PRKAA1: variants seen among roughly 807,000 people sequenced by gnomAD.
The protein encoded by PRKAA1 is 5'-AMP-activated protein kinase catalytic subunit alpha-1.
PRKAA1 carries 23 observed loss-of-function variants against 56.9 expected under a neutral mutation model. That is an observed-to-expected ratio of 0.40 (90% CI 0.29 to 0.57). The LOEUF (loss-of-function observed/expected upper bound fraction) is 0.57, where lower values mean the gene tolerates loss of function less well. Ranked by LOEUF, PRKAA1 falls within the 20% of genes least tolerant of loss-of-function variation. PRKAA1 has a pLI of 0.39. For missense variants in PRKAA1, 413 were observed against 679.7 expected (o/e 0.61, Z 4.36); for synonymous variants, 226 against 227.0 (o/e 1.00, Z 0.04).
intron 1 of PRKAA1, among the ~76,000 whole-genome samples, chr5:40,793,625 AC>A (rs1206284219): frequency 1.3e-5 from 2 of 152,188 alleles, no homozygotes; most frequent in Admixed American, 1.3e-4. Context: ...CATATGGTTA[AC>A]CCTATTATTT....
chr5:40,768,847 T>C lies in PRKAA1; in HGVS notation c.596+569A>G, dbSNP rs192988291. ...TTAAATTCTCCTGTTTTCCAAACTA[T>C]TCAAAAAGCGACACTGTACAAATAT... is the stretch of plus-strand genomic sequence containing the variant. On this transcript the variant is annotated intron_variant, in intron 5 of 8. Transcript: ENST00000397128. 62 of 1,523,304 alleles carry C rather than the reference T, an allele frequency of 4.1e-5. No individual in the cohort carries two copies. The Admixed American group carries it at 1.1e-3, about 28-fold the overall frequency. 94.4% of individuals were successfully genotyped at this position (1,523,304 alleles called of 1,614,324 possible). A position where few individuals can be genotyped will look rare whatever the true frequency, so the allele number is the denominator to read the frequency against.
At chr5:40,788,751 C>G (rs931486370) in intron 1 of PRKAA1, among the ~76,000 whole-genome samples, 3 of 151,918 alleles carry the variant, frequency 2.0e-5, no homozygotes, top group African/African-American at 7.3e-5. Context: ...CGCTTGAACC[C>G]GGGAGGCGGA....
chr5:40,763,313 T>C (rs1049094830), intron 8 of PRKAA1, among the ~76,000 whole-genome samples: 1 of 152,180 alleles, frequency 6.6e-6, no homozygotes, highest in Admixed American at 6.5e-5. Flanking sequence ...TTAATAAATA[T>C]TATTCTATAG....
chr5:40,770,570 A>G (rs1743690198), intron 4 of PRKAA1, among the ~76,000 whole-genome samples: 1 of 151,120 alleles, frequency 6.6e-6, no homozygotes, highest in African/African-American at 2.4e-5. Flanking sequence ...GGCAATTTAT[A>G]TAGGAAATAC....
At chr5:40,791,092 C>A (rs532904084) in intron 1 of PRKAA1, among the ~76,000 whole-genome samples, 1 of 152,318 alleles carries the variant, frequency 6.6e-6, no homozygotes, top group Non-Finnish European at 1.5e-5. Flanking sequence ...AAGGGCTTGG[C>A]ATGGTATCAG....
rs1743248260 is a variant in PRKAA1, at chr5:40,762,753, A to G, written c.*25T>C. On this transcript the variant is annotated 3_prime_UTR_variant, in exon 9 of 9. Coordinates refer to ENST00000397128, the MANE Select transcript of PRKAA1 (RefSeq NM_006251.6). ...ACTTATTATGCATGCTTATTGCTGC[A>G]AAAGAAATAAGCAAAGTTTTCTGTT... is the stretch of plus-strand genomic sequence containing the variant. 1 of 1,610,118 alleles carries G rather than the reference A, an allele frequency of 6.2e-7. No individual in the cohort carries two copies. Among genetic ancestry groups the G allele is most frequent in the Admixed American group, 1.7e-5 (1 of 59,804 alleles).
At chr5:40,771,688 G>A (rs187472875) in intron 4 of PRKAA1, 31 bp downstream of exon 4, 1 of 1,577,200 alleles carries the variant, frequency 6.3e-7, no homozygotes, top group South Asian at 1.2e-5. Context: ...CATTAGAAAT[G>A]AACGTTAAGA....
chr5:40,774,609 T>A (rs73084450), intron 3 of PRKAA1, among the ~76,000 whole-genome samples: 2,181 of 136,548 alleles, frequency 0.016, 58 homozygotes, highest in African/African-American at 0.058. Context: ...GTACCTGAAA[T>A]AGAAATGAAT....
In PRKAA1 at chr5:40,761,523, C is replaced by G. The variant is rs1251758874; in HGVS notation, c.*1255G>C. 5.3e-5 allele frequency: 8 copies of G among 152,148 alleles called. No individual in the cohort carries two copies. The highest frequency in any genetic ancestry group is 5.2e-4 in the Admixed American group (8 of 15,280). The allele number at this position is 152,148 out of a possible 1,614,324, so 9.4% of individuals were successfully genotyped here. On this transcript the variant is annotated 3_prime_UTR_variant, in exon 9 of 9. Coordinates refer to ENST00000397128, the MANE Select transcript of PRKAA1 (RefSeq NM_006251.6). ...AAAACAAATGACAAAACATTAACAA[C>G]TGCTGAATCTAAATGGTAGATATAC...
In PRKAA1 at chr5:40,761,394, T is replaced by C. The variant is rs1280801611; in HGVS notation, c.*1384A>G. 1 of 152,082 alleles carries C rather than the reference T, an allele frequency of 6.6e-6. No individual in the cohort carries two copies. Among genetic ancestry groups the C allele is most frequent in the Non-Finnish European group, 1.5e-5 (1 of 68,008 alleles). 9.4% of individuals were successfully genotyped at this position (152,082 alleles called of 1,614,324 possible). ...CACGGTGATAAGTATGTCTGTAACA[T>C]CCAAATGGTTCAGGGGGAAAAAAGC... is the stretch of plus-strand genomic sequence containing the variant. On this transcript the variant is annotated 3_prime_UTR_variant, in exon 9 of 9. Transcript: ENST00000397128.
chr5:40,787,236 C>T (rs143086009), intron 1 of PRKAA1, among the ~76,000 whole-genome samples: 2,303 of 152,042 alleles, frequency 0.015, 38 homozygotes, highest in South Asian at 0.042. Flanking sequence ...GAGGCCGAAG[C>T]GGGCATATCA....
intron 2 of PRKAA1, among the ~76,000 whole-genome samples, chr5:40,776,854 T>C (rs1459697669): frequency 6.6e-6 from 1 of 152,146 alleles, no homozygotes; most frequent in East Asian, 1.9e-4. Flanking sequence ...CAGATCACTG[T>C]TGGTTTTACA....
chr5:40,764,156 A>G (rs950427908), intron 8 of PRKAA1: 1 of 159,412 alleles, frequency 6.3e-6, no homozygotes, highest in African/African-American at 2.4e-5. Flanking sequence ...AACTTATTTA[A>G]TAATAAATAA....
rs1372969872 is a variant in PRKAA1, at chr5:40,764,821, A to C, written c.1239T>G (p.Ser413Arg). 1 of 1,613,978 alleles carries C rather than the reference A, an allele frequency of 6.2e-7. No homozygotes were observed. Among genetic ancestry groups the C allele is most frequent in the Non-Finnish European group, 8.5e-7 (1 of 1,179,942 alleles). Residue 413 changes from serine (S) to arginine (R), a missense_variant, in exon 7 of 9, where the codon AGT becomes AGG. Coordinates refer to ENST00000397128, the MANE Select transcript of PRKAA1 (RefSeq NM_006251.6). ...RKAKWHLGIR[S>R]QSRPNDIMAE... ...CCATAATATCATTTGGTCGACTTTGACTTCTAATTCCTAAATGCCATTTTG... is the reference window on the plus strand; with the variant it reads ...CCATAATATCATTTGGTCGACTTTGCCTTCTAATTCCTAAATGCCATTTTG...
intron 1 of PRKAA1, 84 bp downstream of exon 1, chr5:40,797,979 G>A (rs2112121322): frequency 6.4e-7 from 1 of 1,557,040 alleles, no homozygotes; most frequent in Non-Finnish European, 8.7e-7. Context: ...GGACGCAGCG[G>A]GCGGGGGAGG....
At chr5:40,769,592 AATG>A (rs1351374336) in intron 4 of PRKAA1, 89 bp from the exon 5 acceptor site, 5 of 1,064,424 alleles carry the variant, frequency 4.7e-6, no homozygotes, top group Admixed American at 4.1e-5. Context: ...TTTGCATTAA[AATG>A]ATAAATCATC....
chr5:40,764,289 T>G, intron 8 of PRKAA1: 1 of 402,286 alleles, frequency 2.5e-6, no homozygotes, highest in African/African-American at 2.0e-5. Flanking sequence ...CACCTGGCTT[T>G]AAGGATTTTA....
intron 1 of PRKAA1, among the ~76,000 whole-genome samples, chr5:40,780,413 C>A (rs945601461): frequency 5.3e-5 from 8 of 152,054 alleles, no homozygotes; most frequent in African/African-American, 1.9e-4. Context: ...GCATTCTCGA[C>A]AGACATAATT....
At position 40,777,592 on chromosome 5, in the gene PRKAA1, A is replaced by C; in HGVS notation, c.128-6T>G. ...AGTCAATTCATGTTTGCCAACTGTA[A>C]AAGAAGTAATTTAATAAATTAGTAC... On this transcript the variant is annotated splice_polypyrimidine_tract_variant and splice_region_variant and intron_variant, in intron 1 of 8. Transcript: ENST00000397128. 1 of 1,597,406 alleles carries C rather than the reference A, an allele frequency of 6.3e-7. No homozygotes were observed. Among genetic ancestry groups the C allele is most frequent in the African/African-American group, 1.3e-5 (1 of 74,134 alleles).
Sources: allele counts gnomAD v4.1 joint callset (sites outside exome capture counted in the v4.1 genomes callset), GRCh38; gene constraint gnomAD v4.1.1; transcripts MANE v1.5; gene names NCBI Gene and HGNC (gene_info 2026-07-23, HGNC 2026-07-21).